The following ARMC2 variants were observed in gnomAD, a reference collection of about 807,000 sequenced individuals.
The protein encoded by ARMC2 is armadillo repeat containing 2, also known as armadillo repeat-containing protein 2.
Under a neutral mutation model 90.3 loss-of-function variants are expected in ARMC2, and 67 were observed. The observed-to-expected ratio is 0.74, with a 90% confidence interval of 0.61 to 0.91. ARMC2 has a LOEUF of 0.91. ARMC2 is among the 40% of genes least tolerant of loss of function. The probability of loss-of-function intolerance (pLI) is 0.00; values close to 1 mark genes in which losing one functional copy is unlikely to be tolerated. For missense variants in ARMC2, 920 were observed against 1,030.9 expected, an observed-to-expected ratio of 0.89 and a Z score of 1.47; for synonymous variants, 393 against 393.0, an observed-to-expected ratio of 1.00 and a Z score of 0.00.
intron 5 of ARMC2, among the ~76,000 whole-genome samples, chr6:108,881,499 T>G (rs1275287566): frequency 6.6e-6 from 1 of 152,110 alleles, no homozygotes; most frequent in African/African-American, 2.4e-5. Context: ...AAGAAACAGA[T>G]TTCACTAAAA....
At chr6:108,895,470 C>G (rs1004675544) in intron 6 of ARMC2, among the ~76,000 whole-genome samples, 1 of 109,618 alleles carries the variant, frequency 9.1e-6, no homozygotes. Flanking sequence ...GGCGACAGAG[C>G]GAGACTCATC....
chr6:109,022,492 G>C, the ARMC2 span, among the ~76,000 whole-genome samples: 1 of 131,022 alleles, frequency 7.6e-6, no homozygotes, highest in Non-Finnish European at 1.5e-5. Context: ...GCGCGATCTC[G>C]GCTCATTGCA....
intron 7 of ARMC2, among the ~76,000 whole-genome samples, chr6:108,901,196 C>T (rs138480178): frequency 0.13 from 18,128 of 138,894 alleles, 1,538 homozygotes; most frequent in Non-Finnish European, 0.19. Context: ...TCACTGCAAC[C>T]TCTGCCTCCC....
the ARMC2 span, among the ~76,000 whole-genome samples, chr6:109,043,547 A>T: frequency 5.3e-5 from 8 of 152,192 alleles, no homozygotes; most frequent in Non-Finnish European, 1.0e-4. Flanking sequence ...AAGTTAATAT[A>T]CAAGAGTGAA....
chr6:108,892,070 G>A (rs954119699), intron 5 of ARMC2, among the ~76,000 whole-genome samples: 2 of 152,120 alleles, frequency 1.3e-5, no homozygotes, highest in African/African-American at 4.8e-5. Context: ...GAGGGAGAGT[G>A]GACCAGTGAC....
chr6:108,887,177 G>T (rs1770452004), intron 5 of ARMC2, among the ~76,000 whole-genome samples: 1 of 152,132 alleles, frequency 6.6e-6, no homozygotes, highest in Non-Finnish European at 1.5e-5. Flanking sequence ...CTCCCAAAGT[G>T]CTGTGGTTAC....
chr6:108,953,587 A>G (rs868469174), intron 13 of ARMC2, among the ~76,000 whole-genome samples: 24 of 152,314 alleles, frequency 1.6e-4, no homozygotes, highest in Middle Eastern at 3.4e-3. Flanking sequence ...AAACCCACCA[A>G]ATCGTACACT....
chr6:108,890,216 A>ACAAACAAAC (rs1435763488), intron 5 of ARMC2, among the ~76,000 whole-genome samples: 1 of 121,484 alleles, frequency 8.2e-6, no homozygotes, highest in Non-Finnish European at 1.8e-5. Context: ...AAAAAAAAAA[A>ACAAACAAAC]AAAAAAAAAA....
At chr6:108,998,758 T>C in the ARMC2 span, 1 of 1,596,296 alleles carries the variant, frequency 6.3e-7, no homozygotes, top group Non-Finnish European at 8.5e-7. Flanking sequence ...AAAAGTCCCT[T>C]AGGGGGAAAA....
chr6:108,980,037 G>A, the ARMC2 span, among the ~76,000 whole-genome samples: 1 of 151,886 alleles, frequency 6.6e-6, no homozygotes, highest in African/African-American at 2.4e-5. Flanking sequence ...TCCCTTGCTG[G>A]CAAGGAGTCG....
At chr6:108,903,877 G>A (rs1043956046) in intron 7 of ARMC2, among the ~76,000 whole-genome samples, 10 of 152,312 alleles carry the variant, frequency 6.6e-5, no homozygotes, top group Non-Finnish European at 5.9e-5. Context: ...AGATGCAAGT[G>A]GCATGCATCT....
At chr6:108,934,820 T>C (rs1054801065) in intron 11 of ARMC2, among the ~76,000 whole-genome samples, 1 of 151,502 alleles carries the variant, frequency 6.6e-6, no homozygotes, top group Non-Finnish European at 1.5e-5. Flanking sequence ...TTCTAATCTC[T>C]GTTTTATCTC....
intron 8 of ARMC2, chr6:108,907,505 T>A: frequency 1.5e-6 from 1 of 659,690 alleles, no homozygotes; most frequent in Non-Finnish European, 2.3e-6. Context: ...TGGAGGTTAA[T>A]TGCCATTAGG....
intron 7 of ARMC2, among the ~76,000 whole-genome samples, chr6:108,900,078 A>G (rs1771974838): frequency 6.6e-6 from 1 of 152,192 alleles, no homozygotes; most frequent in African/African-American, 2.4e-5. Context: ...CCTCTGTCCA[A>G]GGAAATGCTG....
the ARMC2 span, among the ~76,000 whole-genome samples, chr6:109,022,402 G>A: frequency 2.2e-4 from 21 of 93,624 alleles, no homozygotes; most frequent in Non-Finnish European, 3.6e-4. Flanking sequence ...ATCAGGCATT[G>A]TTCTAAAGCT....
At chr6:108,981,012 T>C in the ARMC2 span, among the ~76,000 whole-genome samples, 1 of 152,108 alleles carries the variant, frequency 6.6e-6, no homozygotes, top group East Asian at 1.9e-4. Context: ...ACTCGCCTTA[T>C]TGTAGTCCAT....
chr6:108,990,888 A>G, the ARMC2 span: 16 of 1,478,156 alleles, frequency 1.1e-5, no homozygotes, highest in Admixed American at 5.2e-5. Flanking sequence ...GTACAGTTCT[A>G]TATCTATAGC....
At chr6:109,010,649 C>T in the ARMC2 span, among the ~76,000 whole-genome samples, 1 of 152,046 alleles carries the variant, frequency 6.6e-6, no homozygotes, top group East Asian at 1.9e-4. Context: ...TTATTTATCT[C>T]CTAATAAATA....
At chr6:108,928,533 A>G (rs906406572) in intron 11 of ARMC2, among the ~76,000 whole-genome samples, 1 of 152,200 alleles carries the variant, frequency 6.6e-6, no homozygotes, top group Admixed American at 6.5e-5. Context: ...TTGAGATAAA[A>G]AACTGTATAC....
Sources: gnomAD v4.1 joint callset for allele counts (sites outside exome capture counted in the v4.1 genomes callset) on GRCh38, gnomAD v4.1.1 for gene constraint, MANE v1.5 for transcripts, NCBI Gene and HGNC (gene_info 2026-07-23, HGNC 2026-07-21) for gene names.